The following BCAS1 variants were observed in gnomAD, a reference collection of about 807,000 sequenced individuals.
BCAS1 encodes the protein breast carcinoma-amplified sequence 1.
In BCAS1, 46 loss-of-function variants were observed where a neutral mutation model predicts 65.4. The observed-to-expected ratio is 0.70, with a 90% CI of 0.55 to 0.90. The LOEUF is 0.90. Ranked by LOEUF, BCAS1 falls within the 40% of genes least tolerant of loss-of-function variation. The pLI is 0.00. For missense variants in BCAS1, 793 were observed against 771.2 expected (o/e 1.03, Z -0.33); for synonymous variants, 298 against 293.5 (o/e 1.02, Z -0.16).
chr20:53,947,899 A>C (rs1770711485), intron 12 of BCAS1, among the ~76,000 whole-genome samples: 1 of 152,140 alleles, frequency 6.6e-6, no homozygotes, highest in African/African-American at 2.4e-5. Flanking sequence ...GTTAAACCTC[A>C]CAAGCATTGC....
At chr20:53,969,860 A>G (rs2090135098) in intron 9 of BCAS1, among the ~76,000 whole-genome samples, 1 of 152,162 alleles carries the variant, frequency 6.6e-6, no homozygotes, top group East Asian at 1.9e-4. Flanking sequence ...ACCTCAGGGT[A>G]CCTAAATTTC....
At chr20:54,059,164 A>C (rs2092345666) in intron 1 of BCAS1, among the ~76,000 whole-genome samples, 1 of 152,204 alleles carries the variant, frequency 6.6e-6, no homozygotes, top group Non-Finnish European at 1.5e-5. Context: ...GATTATGAGG[A>C]TTACAATTCA....
At chr20:54,048,194 G>A (rs6022931) in intron 3 of BCAS1, among the ~76,000 whole-genome samples, 1 of 152,240 alleles carries the variant, frequency 6.6e-6, no homozygotes. Context: ...GTGGTGTTTA[G>A]GATGTGAGTT....
intron 9 of BCAS1, among the ~76,000 whole-genome samples, chr20:53,970,289 A>C (rs1249066754): frequency 6.6e-6 from 1 of 152,172 alleles, no homozygotes; most frequent in African/African-American, 2.4e-5. Context: ...GTAGGTAAAA[A>C]AATATAGTAC....
intron 4 of BCAS1, 126 bp downstream of exon 4, chr20:54,028,266 C>T (rs1385622244): frequency 2.3e-6 from 2 of 884,904 alleles, no homozygotes; most frequent in Non-Finnish European, 1.9e-6. Context: ...GCTATTTGTT[C>T]TAGAGGGGTC....
At chr20:54,023,504 A>G (rs2091605720) in intron 4 of BCAS1, among the ~76,000 whole-genome samples, 1 of 152,232 alleles carries the variant, frequency 6.6e-6, no homozygotes, top group Admixed American at 6.5e-5. Context: ...TGCTGTCCGA[A>G]ATCATCCAAG....
At chr20:53,976,491 C>T (rs981527347) in intron 8 of BCAS1, among the ~76,000 whole-genome samples, 1 of 151,958 alleles carries the variant, frequency 6.6e-6, no homozygotes, top group Non-Finnish European at 1.5e-5. Flanking sequence ...AATGTATCTT[C>T]TGCACTAGGC....
At chr20:53,997,574 T>C (rs1354999299) in intron 4 of BCAS1, among the ~76,000 whole-genome samples, 1 of 152,090 alleles carries the variant, frequency 6.6e-6, no homozygotes, top group African/African-American at 2.4e-5. Context: ...TAAATACTCA[T>C]GTATCTATAT....
intron 3 of BCAS1, among the ~76,000 whole-genome samples, chr20:54,046,292 G>A (rs539786269): frequency 6.6e-6 from 1 of 152,192 alleles, no homozygotes; most frequent in South Asian, 2.1e-4. Context: ...CACTTTGGGA[G>A]GCCAAGGTGG....
intron 8 of BCAS1, among the ~76,000 whole-genome samples, chr20:53,984,809 G>A (rs2090569969): frequency 6.6e-6 from 1 of 152,184 alleles, no homozygotes; most frequent in African/African-American, 2.4e-5. Flanking sequence ...TACCCTGGTG[G>A]TGAACTGATG....
At chr20:54,012,098 G>T (rs183547792) in intron 4 of BCAS1, among the ~76,000 whole-genome samples, 1 of 152,002 alleles carries the variant, frequency 6.6e-6, no homozygotes, top group South Asian at 2.1e-4. Context: ...TCAGTGATTC[G>T]GATTAATTTC....
chr20:54,021,084 G>C (rs1257722010), intron 4 of BCAS1, among the ~76,000 whole-genome samples: 1 of 152,142 alleles, frequency 6.6e-6, no homozygotes, highest in East Asian at 1.9e-4. Context: ...GTTTCTATCT[G>C]TGGCATGTCC....
At chr20:53,972,325 T>C (rs2090201214) in intron 9 of BCAS1, among the ~76,000 whole-genome samples, 1 of 152,212 alleles carries the variant, frequency 6.6e-6, no homozygotes, top group Non-Finnish European at 1.5e-5. Context: ...TCAATCCACA[T>C]GGACACTGAG....
At chr20:53,973,543 T>C (rs2090239161) in intron 9 of BCAS1, among the ~76,000 whole-genome samples, 1 of 152,282 alleles carries the variant, frequency 6.6e-6, no homozygotes, top group East Asian at 1.9e-4. Context: ...AAACACAGGG[T>C]TCCTTAAACA....
chr20:53,946,914 T>C, intron 12 of BCAS1, among the ~76,000 whole-genome samples: 2 of 152,018 alleles, frequency 1.3e-5, no homozygotes, highest in Middle Eastern at 3.5e-3. Flanking sequence ...TGTAATATAG[T>C]ATATAGAGTG....
chr20:53,956,828 C>G (rs940372755), intron 11 of BCAS1, among the ~76,000 whole-genome samples: 2 of 152,058 alleles, frequency 1.3e-5, no homozygotes, highest in Non-Finnish European at 1.5e-5. Flanking sequence ...GCTGCATGAT[C>G]CTATTTAAAA....
chr20:53,979,370 C>T (rs2090420262), intron 8 of BCAS1, among the ~76,000 whole-genome samples: 1 of 152,130 alleles, frequency 6.6e-6, no homozygotes, highest in East Asian at 1.9e-4. Context: ...CATTCCAGCT[C>T]AGCTACTCTC....
At chr20:53,948,998 C>A (rs926328723) in intron 12 of BCAS1, among the ~76,000 whole-genome samples, 1 of 152,164 alleles carries the variant, frequency 6.6e-6, no homozygotes, top group Non-Finnish European at 1.5e-5. Flanking sequence ...TTTCAAGCCT[C>A]CATTTGTTCA....
At chr20:54,027,498 T>G (rs2091699005) in intron 4 of BCAS1, among the ~76,000 whole-genome samples, 1 of 152,228 alleles carries the variant, frequency 6.6e-6, no homozygotes, top group African/African-American at 2.4e-5. Context: ...TCATCCAATT[T>G]TTTCCTGGCT....
Sources: gnomAD v4.1 joint callset for allele counts (sites outside exome capture counted in the v4.1 genomes callset) on GRCh38, gnomAD v4.1.1 for gene constraint, MANE v1.5 for transcripts, NCBI Gene and HGNC (gene_info 2026-07-23, HGNC 2026-07-21) for gene names.